PABPC4L: variants seen among roughly 807,000 people sequenced by gnomAD.
PABPC4L encodes the protein polyadenylate-binding protein 4-like.
For missense variants in PABPC4L, 452 were observed against 451.4 expected (o/e 1.00, Z -0.01); for synonymous variants, 169 against 164.1 (o/e 1.03, Z -0.23).
the PABPC4L span, among the ~76,000 whole-genome samples, chr4:134,101,018 G>T: frequency 1.3e-5 from 2 of 151,240 alleles, no homozygotes; most frequent in Non-Finnish European, 3.0e-5. Context: ...TGTATTAGAA[G>T]AAAACATTAG....
the PABPC4L span, among the ~76,000 whole-genome samples, chr4:134,076,836 T>C: frequency 6.6e-6 from 1 of 152,140 alleles, no homozygotes; most frequent in South Asian, 2.1e-4. Context: ...TATGTATATG[T>C]GTGAATGTGC....
At chr4:133,972,759 GA>G in the PABPC4L span, among the ~76,000 whole-genome samples, 1 of 152,174 alleles carries the variant, frequency 6.6e-6, no homozygotes, top group Non-Finnish European at 1.5e-5. Flanking sequence ...TATGTCCCAT[GA>G]GAGAGCCTAG....
At chr4:134,124,917 A>G in the PABPC4L span, among the ~76,000 whole-genome samples, 1 of 152,062 alleles carries the variant, frequency 6.6e-6, no homozygotes, top group African/African-American at 2.4e-5. Context: ...TCTCAAGGGT[A>G]CAAAGCATTA....
At chr4:134,170,457 TA>T in the PABPC4L span, among the ~76,000 whole-genome samples, 8 of 151,930 alleles carry the variant, frequency 5.3e-5, no homozygotes, top group Admixed American at 2.0e-4. Flanking sequence ...ATAAAGAAAA[TA>T]GGTTTAATTG....
the PABPC4L span, among the ~76,000 whole-genome samples, chr4:134,177,766 A>G: frequency 6.6e-6 from 1 of 152,116 alleles, no homozygotes; most frequent in African/African-American, 2.4e-5. Context: ...CCAGGTAGGC[A>G]GGCCTGCCAC....
chr4:134,124,110 A>G, the PABPC4L span, among the ~76,000 whole-genome samples: 1 of 152,126 alleles, frequency 6.6e-6, no homozygotes, highest in African/African-American at 2.4e-5. Context: ...AATATTAACT[A>G]AATCATGGGA....
the PABPC4L span, among the ~76,000 whole-genome samples, chr4:134,051,661 C>A: frequency 2.0e-5 from 3 of 152,000 alleles, no homozygotes; most frequent in Non-Finnish European, 2.9e-5. Context: ...GTTATTTCAA[C>A]TAATGACATG....
chr4:133,971,034 C>T, the PABPC4L span, among the ~76,000 whole-genome samples: 3 of 151,854 alleles, frequency 2.0e-5, no homozygotes, highest in African/African-American at 7.3e-5. Flanking sequence ...CCACTATCTC[C>T]TCTCTTTTAC....
the PABPC4L span, among the ~76,000 whole-genome samples, chr4:134,033,479 GT>G: frequency 1.3e-4 from 19 of 151,880 alleles, no homozygotes; most frequent in Admixed American, 5.9e-4. Context: ...AGAAAGGCAT[GT>G]AAAAAGCCAA....
chr4:134,179,599 G>T, the PABPC4L span, among the ~76,000 whole-genome samples: 1 of 152,030 alleles, frequency 6.6e-6, no homozygotes, highest in Non-Finnish European at 1.5e-5. Context: ...TGGCAAGCTG[G>T]ATAAAAATGG....
chr4:134,088,431 A>T, the PABPC4L span, among the ~76,000 whole-genome samples: 1 of 152,076 alleles, frequency 6.6e-6, no homozygotes, highest in African/African-American at 2.4e-5. Flanking sequence ...TTACTCCATG[A>T]TATACATTCC....
At chr4:134,030,997 T>C in the PABPC4L span, among the ~76,000 whole-genome samples, 1 of 152,212 alleles carries the variant, frequency 6.6e-6, no homozygotes, top group African/African-American at 2.4e-5. Context: ...ATTATTAATA[T>C]TTCATGCACA....
chr4:133,954,227 T>C, the PABPC4L span, among the ~76,000 whole-genome samples: 4 of 152,308 alleles, frequency 2.6e-5, no homozygotes, highest in Admixed American at 6.5e-5. Context: ...GGGAGACATA[T>C]GTCGGGGGAA....
the PABPC4L span, among the ~76,000 whole-genome samples, chr4:134,093,899 A>G: frequency 6.6e-6 from 1 of 151,314 alleles, no homozygotes; most frequent in Admixed American, 6.6e-5. Context: ...ATATTTATGT[A>G]TTTACATTTT....
the PABPC4L span, among the ~76,000 whole-genome samples, chr4:134,076,747 G>A: frequency 1.3e-5 from 2 of 151,972 alleles, no homozygotes; most frequent in Non-Finnish European, 2.9e-5. Context: ...GCTTTGAGGG[G>A]ACAACTGTTA....
chr4:134,067,808 T>C, the PABPC4L span, among the ~76,000 whole-genome samples: 1 of 152,158 alleles, frequency 6.6e-6, no homozygotes, highest in Non-Finnish European at 1.5e-5. Context: ...GAGCAATTTG[T>C]TTAATTTCCA....
the PABPC4L span, among the ~76,000 whole-genome samples, chr4:134,134,218 A>G: frequency 5.3e-5 from 8 of 152,202 alleles, no homozygotes; most frequent in African/African-American, 1.7e-4. Flanking sequence ...ATATGAGTTT[A>G]AAATTCATTC....
At chr4:134,063,734 T>C in the PABPC4L span, among the ~76,000 whole-genome samples, 2 of 152,040 alleles carry the variant, frequency 1.3e-5, no homozygotes, top group Non-Finnish European at 1.5e-5. Flanking sequence ...GAATATGAAA[T>C]CTTGTCATTC....
At chr4:134,162,901 A>G in the PABPC4L span, among the ~76,000 whole-genome samples, 1 of 152,174 alleles carries the variant, frequency 6.6e-6, no homozygotes, top group African/African-American at 2.4e-5. Context: ...AAATGCCTAC[A>G]TCAAAAAGTC....
Sources: gnomAD v4.1 joint callset for allele counts (sites outside exome capture counted in the v4.1 genomes callset) on GRCh38, gnomAD v4.1.1 for gene constraint, MANE v1.5 for transcripts, NCBI Gene and HGNC (gene_info 2026-07-23, HGNC 2026-07-21) for gene names.